The following RASAL2 variants were observed in gnomAD, a reference collection of about 807,000 sequenced individuals.
RASAL2 encodes RAS protein activator like 2, also known as ras GTPase-activating protein nGAP.
A neutral mutation model predicts 128.9 loss-of-function variants in RASAL2; 58 were observed. The ratio of observed to expected loss-of-function variants is 0.45; its 90% confidence interval spans 0.36 to 0.56. The LOEUF (loss-of-function observed/expected upper bound fraction) is 0.56. Ranked by LOEUF, RASAL2 falls within the 20% of genes least tolerant of loss-of-function variation. The pLI, the probability that RASAL2 is intolerant of heterozygous loss-of-function variation, is 0.00. For missense variants in RASAL2, 1,360 were observed against 1,601.6 expected, an observed-to-expected ratio of 0.85 and a Z score of 2.57; for synonymous variants, 561 against 580.8, an observed-to-expected ratio of 0.97 and a Z score of 0.49.
At chr1:178,132,291 A>C (rs975288492) in intron 1 of RASAL2, among the ~76,000 whole-genome samples, 3 of 151,632 alleles carry the variant, frequency 2.0e-5, no homozygotes, top group Non-Finnish European at 4.4e-5. Flanking sequence ...TCTTGGGCTC[A>C]AGTGATTCTC....
At chr1:178,169,477 A>G (rs947844514) in intron 1 of RASAL2, among the ~76,000 whole-genome samples, 2 of 152,156 alleles carry the variant, frequency 1.3e-5, no homozygotes, top group African/African-American at 2.4e-5. Flanking sequence ...AATCATTACA[A>G]TTGACACTAA....
intron 4 of RASAL2, among the ~76,000 whole-genome samples, chr1:178,416,808 T>C (rs372526608): frequency 9.9e-5 from 15 of 152,244 alleles, no homozygotes; most frequent in African/African-American, 3.6e-4. Context: ...TTCTCTTGCT[T>C]GTATGGTTTC....
chr1:178,374,201 ATC>A (rs1671874498), intron 3 of RASAL2, among the ~76,000 whole-genome samples: 1 of 152,170 alleles, frequency 6.6e-6, no homozygotes, highest in Non-Finnish European at 1.5e-5. Context: ...GAACAAAACT[ATC>A]TGAGATGTAG....
intron 3 of RASAL2, among the ~76,000 whole-genome samples, chr1:178,350,726 T>G (rs1222364905): frequency 1.3e-5 from 2 of 152,198 alleles, no homozygotes; most frequent in East Asian, 3.9e-4. Flanking sequence ...GGCTTGCTGT[T>G]GGCAAGGAGT....
chr1:178,451,595 A>G lies in RASAL2; in HGVS notation c.1652A>G (p.Glu551Gly). Reference sequence around the variant, plus strand: ...GGGGAGTTTATCAAAGCTTTGTATGAGTCCGATGAGAACTGTGAAGTGGAT... The same window carrying G: ...GGGGAGTTTATCAAAGCTTTGTATGGGTCCGATGAGAACTGTGAAGTGGAT... ...ALGEFIKALYESDENCEVDPS... is the reference protein window; with the variant it reads ...ALGEFIKALYGSDENCEVDPS... Residue 551 changes from glutamate (E) to glycine (G), a missense_variant, in exon 10 of 18, where the codon GAG becomes GGG. By Grantham distance (98) the Glu-to-Gly change is moderately conservative. Coordinates refer to ENST00000367649, the MANE Select transcript of RASAL2 (RefSeq NM_170692.4). The G allele has an allele frequency of 6.2e-7, 1 of 1,613,734 alleles. No homozygotes were observed. The highest frequency in any genetic ancestry group is 8.5e-7 in the Non-Finnish European group (1 of 1,179,748).
chr1:178,115,413 G>A (rs1463537468), intron 1 of RASAL2, among the ~76,000 whole-genome samples: 2 of 152,154 alleles, frequency 1.3e-5, no homozygotes, highest in African/African-American at 4.8e-5. Flanking sequence ...ATCTAATTTA[G>A]TGTGGGAGAG....
chr1:178,184,371 G>T (rs1343450487), intron 1 of RASAL2, among the ~76,000 whole-genome samples: 1 of 141,046 alleles, frequency 7.1e-6, no homozygotes, highest in Non-Finnish European at 1.5e-5. Context: ...TCAAAATCCA[G>T]GTCACGTATA....
intron 1 of RASAL2, among the ~76,000 whole-genome samples, chr1:178,117,973 T>C (rs1022795277): frequency 1.3e-5 from 2 of 152,050 alleles, no homozygotes; most frequent in African/African-American, 4.8e-5. Context: ...GAGACCAGCC[T>C]GACCAACATG....
rs530575035 is a variant in RASAL2 at position 178,448,391 on chromosome 1, C to CCATT, written c.1627+2732_1627+2735dup. The stretch of plus-strand genomic sequence containing the variant: ...AGGCTGTAAGGAATAGAGTGAGTCG[C>CCATT]CATTCAAGAAACAGGATCACTGTGT... On this transcript the variant is annotated intron_variant, in intron 9 of 17. Transcript: ENST00000367649. Among the ~76,000 whole-genome samples, 82 of 152,216 alleles carry CCATT rather than the reference C, an allele frequency of 5.4e-4. 1 individual carries two copies. The Middle Eastern group carries it at 0.01, about 19-fold the overall frequency.
At chr1:178,111,577 C>A (rs116171835) in intron 1 of RASAL2, among the ~76,000 whole-genome samples, 1 of 152,286 alleles carries the variant, frequency 6.6e-6, no homozygotes, top group East Asian at 1.9e-4. Context: ...ATTTCCACAT[C>A]CTCATCAATA....
At chr1:178,285,103 CTTTTTTTTTTTTTTT>C (rs58901015) in intron 2 of RASAL2, among the ~76,000 whole-genome samples, 19 of 81,956 alleles carry the variant, frequency 2.3e-4, no homozygotes, top group African/African-American at 9.7e-4. Context: ...TTGCTACTTT[CTTTTTTTTTTTTTTT>C]TTTTTTTTTT....
chr1:178,393,255 AT>A (rs1673017319), intron 4 of RASAL2, among the ~76,000 whole-genome samples: 1 of 152,146 alleles, frequency 6.6e-6, no homozygotes, highest in Admixed American at 6.5e-5. Context: ...TTAGGTTGTA[AT>A]ATATAATGAA....
chr1:178,410,205 CAT>C (rs771990366), intron 4 of RASAL2, among the ~76,000 whole-genome samples: 120 of 151,626 alleles, frequency 7.9e-4, no homozygotes, highest in Non-Finnish European at 5.6e-4. Flanking sequence ...ATATGAAAGA[CAT>C]GTGATTAGGG....
At chr1:178,235,832 A>C (rs1488831797) in intron 1 of RASAL2, among the ~76,000 whole-genome samples, 2 of 152,168 alleles carry the variant, frequency 1.3e-5, no homozygotes, top group Non-Finnish European at 2.9e-5. Flanking sequence ...TCCCACAAGC[A>C]AAAGACTACC....
chr1:178,195,707 AT>A (rs1212553376), intron 1 of RASAL2, among the ~76,000 whole-genome samples: 1 of 152,156 alleles, frequency 6.6e-6, no homozygotes. Context: ...AAGATGAATC[AT>A]TTTTTATGAC....
intron 2 of RASAL2, among the ~76,000 whole-genome samples, chr1:178,289,174 A>C (rs1000580660): frequency 6.6e-6 from 1 of 152,138 alleles, no homozygotes; most frequent in Non-Finnish European, 1.5e-5. Flanking sequence ...TGTTAAATTC[A>C]GTGGTCAGTT....
chr1:178,210,461 T>A (rs1396497677), intron 1 of RASAL2, among the ~76,000 whole-genome samples: 1 of 152,238 alleles, frequency 6.6e-6, no homozygotes, highest in Non-Finnish European at 1.5e-5. Context: ...GAAATTATAG[T>A]CCCTTGTCTA....
intron 11 of RASAL2, among the ~76,000 whole-genome samples, chr1:178,454,086 G>A (rs558095585): frequency 6.6e-6 from 1 of 151,192 alleles, no homozygotes; most frequent in South Asian, 2.1e-4. Context: ...AAAAAAATGT[G>A]TAATATATTT....
intron 1 of RASAL2, among the ~76,000 whole-genome samples, chr1:178,221,028 G>A (rs992593333): frequency 1.3e-5 from 2 of 152,158 alleles, no homozygotes; most frequent in South Asian, 2.1e-4. Context: ...TACCATTTTT[G>A]TGTTCCCACC....
Sources: gnomAD v4.1 joint callset for allele counts (sites outside exome capture counted in the v4.1 genomes callset) on GRCh38, gnomAD v4.1.1 for gene constraint, MANE v1.5 for transcripts, NCBI Gene and HGNC (gene_info 2026-07-23, HGNC 2026-07-21) for gene names.